Variants in ITGA6 observed in about 807,000 individuals in gnomAD.
The protein encoded by ITGA6 is integrin alpha-6.
ITGA6 carries 63 observed loss-of-function variants against 133.6 expected under a neutral mutation model. The ratio of observed to expected loss-of-function variants is 0.47; its 90% CI spans 0.38 to 0.58. ITGA6 has a LOEUF of 0.58. ITGA6 is among the 20% of genes least tolerant of loss of function. The pLI is 0.00. For missense variants in ITGA6, 1,068 were observed against 1,309.4 expected (o/e 0.82, Z 2.85); for synonymous variants, 434 against 482.0 (o/e 0.90, Z 1.30).
chr2:172,485,377 T>G, intron 13 of ITGA6, 113 bp downstream of exon 13: 1 of 953,496 alleles, frequency 1.0e-6, no homozygotes, highest in Non-Finnish European at 1.7e-6. Context: ...CATTCTTTTG[T>G]GTTAATATGT....
At chr2:172,465,363 G>A (rs930113057) in intron 1 of ITGA6, 176 bp from the exon 2 acceptor site, 27 of 752,522 alleles carry the variant, frequency 3.6e-5, no homozygotes, top group Non-Finnish European at 5.2e-5. Context: ...GTGTTTGTGC[G>A]TTTTGCATGA....
At chr2:172,452,490 C>T (rs1342876599) in intron 1 of ITGA6, among the ~76,000 whole-genome samples, 1 of 152,118 alleles carries the variant, frequency 6.6e-6, no homozygotes, top group Non-Finnish European at 1.5e-5. Flanking sequence ...GGAGAATGGG[C>T]AGCATTTGCA....
rs539316060 is a variant in ITGA6 at position 172,466,359 on chromosome 2, C to G, written c.307+696C>G. ...GTTGGCCAGGCGTCGGTGGCTCACACCTGTAATCCTAGCATTTTGGGAGGC... is the reference window on the plus strand; with the variant it reads ...GTTGGCCAGGCGTCGGTGGCTCACAGCTGTAATCCTAGCATTTTGGGAGGC... On this transcript the variant is annotated intron_variant, in intron 2 of 25. Transcript: ENST00000684293. Among the ~76,000 whole-genome samples the G allele has an allele frequency of 1.4e-4, 21 of 152,312 alleles. No homozygotes were observed. In the East Asian group the frequency reaches 4.0e-3, roughly 29 times the overall value.
chr2:172,490,609 T>G (rs2737086), intron 20 of ITGA6, among the ~76,000 whole-genome samples: 69,512 of 152,064 alleles, frequency 0.46, 16,484 homozygotes, highest in East Asian at 0.87. Flanking sequence ...ATGGGTCTTT[T>G]TGCTTCTTTC....
chr2:172,497,893 A>G, intron 23 of ITGA6, 82 bp from the exon 24 acceptor site: 1 of 1,498,142 alleles, frequency 6.7e-7, no homozygotes, highest in Non-Finnish European at 9.3e-7. Flanking sequence ...AATATATTCA[A>G]AAGCAGAATT....
rs752525326 is a variant in ITGA6, at chr2:172,504,225, G to C, written c.*157G>C. The C allele has an allele frequency of 2.5e-6, 4 of 1,577,954 alleles. No individual in the cohort carries two copies. Among genetic ancestry groups the C allele is most frequent in the Non-Finnish European group, 3.4e-6 (4 of 1,160,964 alleles). On this transcript the variant is annotated 3_prime_UTR_variant, in exon 26 of 26. Transcript: ENST00000684293. ...TTGAAAAAAAACAGTGGATCACAAA[G>C]TGGAACGAAAATGAAAGCTACTCAT...
At chr2:172,501,711 C>T in intron 24 of ITGA6, 61 bp from the exon 25 acceptor site, 4 of 1,555,770 alleles carry the variant, frequency 2.6e-6, no homozygotes, top group Non-Finnish European at 3.5e-6. Flanking sequence ...TTGAGATGTT[C>T]TGTTGTTTGG....
Position 172,428,546 on chromosome 2 carries a change from A to AAAAAAG in ITGA6, c.182+581_182+582insGAAAAA, listed in dbSNP as rs1683971175. On this transcript the variant is annotated intron_variant, in intron 1 of 25. Coordinates refer to ENST00000684293, the MANE Select transcript of ITGA6 (RefSeq NM_000210.4). Reference sequence around the variant, plus strand: ...TAGGAGATACTTTTACATGCCTTTGAAAAAAAAAAAAAAAAAGATGGGGGT... The same window carrying AAAAAAG: ...TAGGAGATACTTTTACATGCCTTTGAAAAAAGAAAAAAAAAAAAAAAAGATGGGGGT... 3 of 59,576 alleles carry AAAAAAG rather than the reference A, an allele frequency of 5.0e-5. No homozygotes were observed. In the African/African-American group the frequency reaches 5.1e-4, roughly 10 times the overall value. 3.7% of individuals were successfully genotyped at this position (59,576 alleles called of 1,614,324 possible).
At chr2:172,480,221 G>A (rs1365902139) in intron 11 of ITGA6, among the ~76,000 whole-genome samples, 170 bp downstream of exon 11, 3 of 152,210 alleles carry the variant, frequency 2.0e-5, no homozygotes, top group African/African-American at 7.2e-5. Context: ...GCACAGCACC[G>A]TGAGGGAGGA....
chr2:172,503,880 T>C, intron 25 of ITGA6: 1 of 366,380 alleles, frequency 2.7e-6, no homozygotes. Context: ...AATGGACTTT[T>C]CTTCCAGTTT....
rs889640521 is a variant in ITGA6, at chr2:172,483,853, C to T, written c.1550-929C>T. Among the ~76,000 whole-genome samples the T allele has an allele frequency of 2.6e-5, 4 of 152,140 alleles. No individual in the cohort carries two copies. In the East Asian group the frequency reaches 7.7e-4, roughly 29 times the overall value. On this transcript the variant is annotated intron_variant, in intron 11 of 25. Coordinates refer to ENST00000684293, the MANE Select transcript of ITGA6 (RefSeq NM_000210.4). ...TTGAGAAAGTTTTGCTCTTGTTGCC[C>T]AGGCTGGAGTGCAATGGCATGAATT...
chr2:172,443,796 C>T (rs1684638006), intron 1 of ITGA6, among the ~76,000 whole-genome samples: 2 of 152,154 alleles, frequency 1.3e-5, no homozygotes, highest in Non-Finnish European at 1.5e-5. Context: ...TTTTTTGAGG[C>T]AGGGTCTCAC....
Position 172,504,336 on chromosome 2 carries a change from C to T in ITGA6, c.*268C>T, listed in dbSNP as rs866692947. The T allele has an allele frequency of 1.2e-5, 13 of 1,058,744 alleles. No individual in the cohort carries two copies. Among genetic ancestry groups the T allele is most frequent in the Middle Eastern group, 2.3e-4 (1 of 4,392 alleles). The allele number at this position is 1,058,744 out of a possible 1,614,324, so 65.6% of individuals were successfully genotyped here. A position where few individuals can be genotyped will look rare whatever the true frequency, so the allele number is the denominator to read the frequency against. On this transcript the variant is annotated 3_prime_UTR_variant, in exon 26 of 26. Coordinates refer to ENST00000684293, the MANE Select transcript of ITGA6 (RefSeq NM_000210.4). ...TTCAATTTGGATTTAAAAGCCTGCT[C>T]AATCCCTGAGGACTGATTTCAGAGT...
chr2:172,464,383 A>G (rs1254445371), intron 1 of ITGA6: 1 of 152,118 alleles, frequency 6.6e-6, no homozygotes, highest in East Asian at 1.9e-4. Context: ...GATGGCCAGG[A>G]GTGGCTTGTT....
At chr2:172,496,092 G>GA (rs1436521364) in intron 23 of ITGA6, among the ~76,000 whole-genome samples, 1 of 152,176 alleles carries the variant, frequency 6.6e-6, no homozygotes, top group African/African-American at 2.4e-5. Flanking sequence ...TAGGCTAATT[G>GA]AAATCATCTA....
chr2:172,467,447 T>A (rs1685728465), intron 2 of ITGA6, 34 bp from the exon 3 acceptor site: 1 of 1,548,370 alleles, frequency 6.5e-7, no homozygotes, highest in African/African-American at 1.4e-5. Context: ...GCATGTGCAG[T>A]CACTTGGAAG....
chr2:172,473,568 T>C (rs1686037211), intron 5 of ITGA6, among the ~76,000 whole-genome samples: 1 of 152,246 alleles, frequency 6.6e-6, no homozygotes, highest in South Asian at 2.1e-4. Flanking sequence ...TAATTACTTT[T>C]TCTTCAATTT....
intron 1 of ITGA6, 46 bp downstream of exon 1, chr2:172,428,016 G>T: frequency 3.8e-6 from 6 of 1,571,572 alleles, no homozygotes; most frequent in Non-Finnish European, 5.2e-6. Flanking sequence ...GCCGGCCTGC[G>T]CGCGAGTTGA....
In ITGA6 at chr2:172,489,522, C is replaced by T. The variant is rs779823355; in HGVS notation, c.2543C>T (p.Thr848Ile). The T allele has an allele frequency of 4.3e-5, 69 of 1,613,846 alleles. No homozygotes were observed. The highest frequency in any genetic ancestry group is 5.7e-5 in the Non-Finnish European group (67 of 1,179,864). ...GGTAAACCTCTTACAAACCTCGGCA[C>T]AGCAACCTTGAACATTCAGTGGCCA... Reference protein sequence around the residue: ...NLGKPLTNLGTATLNIQWPKE... With the variant: ...NLGKPLTNLGIATLNIQWPKE... The change falls in exon 20 of 26, where the codon ACA (threonine) becomes ATA (isoleucine). Residue 848 changes from threonine (T) to isoleucine (I), a missense_variant. Thr to Ile is a moderately conservative substitution (Grantham distance 89, BLOSUM62 -1). Coordinates refer to ENST00000684293, the MANE Select transcript of ITGA6 (RefSeq NM_000210.4).
Sources: allele counts gnomAD v4.1 joint callset (sites outside exome capture counted in the v4.1 genomes callset), GRCh38; gene constraint gnomAD v4.1.1; transcripts MANE v1.5; gene names NCBI Gene and HGNC (gene_info 2026-07-23, HGNC 2026-07-21).